Variants in DNAH2 observed in about 807,000 individuals in gnomAD.
The protein encoded by DNAH2 is dynein axonemal heavy chain 2.
A neutral mutation model predicts 523.5 loss-of-function variants in DNAH2; 323 were observed. That is an observed-to-expected ratio of 0.62 (90% CI 0.56 to 0.68). DNAH2 has a LOEUF of 0.68. Ranked by LOEUF, DNAH2 falls within the 30% of genes least tolerant of loss-of-function variation. The pLI is 0.00. For synonymous variants in DNAH2, 2,093 were observed against 2,177.4 expected (o/e 0.96, Z 1.08); for missense variants, 4,907 against 5,701.5 (o/e 0.86, Z 4.49).
intron 18 of DNAH2, among the ~76,000 whole-genome samples, chr17:7,761,951 C>A (rs1194951688): frequency 2.6e-5 from 4 of 151,388 alleles, no homozygotes; most frequent in African/African-American, 7.3e-5. Flanking sequence ...CTCCTGAGGG[C>A]TCTAGAGTAG....
intron 34 of DNAH2, 26 bp downstream of exon 34, chr17:7,778,206 G>A: frequency 6.2e-7 from 1 of 1,614,180 alleles, no homozygotes; most frequent in Non-Finnish European, 8.5e-7. Context: ...TGAATGAGGT[G>A]GCTGGGGTGG....
Position 7,823,606 on chromosome 17 carries a change from C to T in DNAH2, c.11307C>T (p.Ala3769=), listed in dbSNP as rs1233761508. Reference sequence around the variant, plus strand: ...GGCACCTGTGGTATACCAATGCTGCCCCGGAGAAGGCGATGCTGCCAGGTA... The same window carrying T: ...GGCACCTGTGGTATACCAATGCTGCTCCGGAGAAGGCGATGCTGCCAGGTA... ...RDWHLWYTNA[A]PEKAMLPGEW... Residue 3769 remains alanine, a synonymous_variant, in exon 74 of 86, where the codon GCC becomes GCT. Transcript: ENST00000572933. 4 of 1,614,086 alleles carry T rather than the reference C, an allele frequency of 2.5e-6. No individual in the cohort carries two copies. The highest frequency in any genetic ancestry group is 3.4e-6 in the Non-Finnish European group (4 of 1,179,982).
Position 7,817,864 on chromosome 17 carries a change from G to GC in DNAH2, c.10236+9dup. 6.2e-7 allele frequency: 1 copy of GC among 1,612,286 alleles called. No homozygotes were observed. The highest frequency in any genetic ancestry group is 8.5e-7 in the Non-Finnish European group (1 of 1,179,500). ...AACATGGAAGGAGGCCAGGTGTGAG[G>GC]CTGGGGGGTCAGGTTAGCCCCCCCC... On this transcript the variant is annotated intron_variant, in intron 67 of 85. Transcript: ENST00000572933.
intron 48 of DNAH2, among the ~76,000 whole-genome samples, chr17:7,793,557 CTCTT>C (rs768608829): frequency 5.4e-4 from 74 of 135,894 alleles, no homozygotes; most frequent in Admixed American, 1.1e-3. Context: ...CTCTTTCTTT[CTCTT>C]TCTTTCTTTC....
At chr17:7,801,533 T>C in intron 56 of DNAH2, 45 bp from the exon 57 acceptor site, 1 of 1,610,610 alleles carries the variant, frequency 6.2e-7, no homozygotes, top group Non-Finnish European at 8.5e-7. Context: ...ACCTGGAGGC[T>C]GTGTCTGTGC....
At chr17:7,805,145 T>C (rs1208872097) in intron 60 of DNAH2, 71 bp downstream of exon 60, 140 of 1,597,276 alleles carry the variant, frequency 8.8e-5, no homozygotes, top group Non-Finnish European at 1.2e-4. Context: ...GCCAGTCTTC[T>C]TTGTCCTCAA....
intron 78 of DNAH2, 63 bp downstream of exon 78, chr17:7,830,554 C>T (rs1203860175): frequency 1.6e-5 from 25 of 1,604,884 alleles, no homozygotes; most frequent in East Asian, 8.9e-5. Context: ...CCCCATGGCT[C>T]CCCTGTGGGA....
chr17:7,742,832 A>T, intron 11 of DNAH2, 96 bp from the exon 12 acceptor site: 1 of 772,986 alleles, frequency 1.3e-6, no homozygotes, highest in Non-Finnish European at 1.9e-6. Context: ...TTGTTGGGGT[A>T]TGTGCGCATG....
chr17:7,773,755 A>G (rs2076379548), intron 28 of DNAH2, among the ~76,000 whole-genome samples: 1 of 151,440 alleles, frequency 6.6e-6, no homozygotes, highest in African/African-American at 2.4e-5. Context: ...TTTGAGACGG[A>G]GTCTCGCTCT....
intron 12 of DNAH2, among the ~76,000 whole-genome samples, chr17:7,752,058 C>T (rs1312626737): frequency 2.6e-5 from 4 of 151,250 alleles, no homozygotes; most frequent in African/African-American, 7.3e-5. Context: ...TCCGCCTCAG[C>T]CCCCCAAGTA....
chr17:7,780,384 C>G lies in DNAH2; in HGVS notation c.5850+100C>G, dbSNP rs2076570666. On this transcript the variant is annotated intron_variant, in intron 37 of 85. Coordinates refer to ENST00000572933, the MANE Select transcript of DNAH2 (RefSeq NM_020877.5). The surrounding 1 kb of genome is among the most constrained non-coding windows in gnomAD (Gnocchi z 4.4). ...AAGGGCCTCACAATCAGCTTATCCT[C>G]TAAGGAACTTAGACTATTGTCAGTA... The G allele has an allele frequency of 3.2e-6, 5 of 1,557,678 alleles. No homozygotes were observed. Among genetic ancestry groups the G allele is most frequent in the Admixed American group, 1.9e-5 (1 of 52,014 alleles).
chr17:7,762,956 C>T (rs1004543604), intron 18 of DNAH2, among the ~76,000 whole-genome samples: 5 of 150,434 alleles, frequency 3.3e-5, no homozygotes, highest in African/African-American at 4.9e-5. Flanking sequence ...GCAAATTCAA[C>T]CCAGATCTGT....
intron 1 of DNAH2, among the ~76,000 whole-genome samples, chr17:7,719,501 C>T (rs1185598515): frequency 6.6e-6 from 1 of 152,120 alleles, no homozygotes; most frequent in Admixed American, 6.5e-5. Context: ...CCCAGTGCCC[C>T]GAAGACAGTA....
chr17:7,807,308 C>T lies in DNAH2; in HGVS notation c.9601C>T (p.Arg3201Trp), dbSNP rs867457543. ...LAAKSLCMWV[R>W]AMELYGRLYR... is the part of the protein sequence containing the mutation. ...TGCCAAGTCCCTCTGCATGTGGGTG[C>T]GGGCCATGGAGGTAAAGGCGTCAGG... Residue 3201 changes from arginine (R) to tryptophan (W), a missense_variant, in exon 62 of 86, where the codon CGG becomes TGG. Transcript: ENST00000572933. The surrounding 1 kb of genome is among the most constrained non-coding windows in gnomAD (Gnocchi z 5.6). 7.4e-6 allele frequency: 12 copies of T among 1,612,650 alleles called. No homozygotes were observed. Among genetic ancestry groups the T allele is most frequent in the Admixed American group, 3.3e-5 (2 of 59,984 alleles).
Position 7,828,159 on chromosome 17 carries a change from T to A in DNAH2, c.11854-2141T>A, listed in dbSNP as rs1244443541. 6.6e-6 allele frequency among the ~76,000 whole-genome samples: 1 copy of A among 152,048 alleles called. No homozygotes were observed. Among genetic ancestry groups the A allele is most frequent in the Non-Finnish European group, 1.5e-5 (1 of 68,008 alleles). The stretch of plus-strand genomic sequence containing the variant: ...GTCTTGGACTCCTGGACTTAAGCTG[T>A]CCTCCCACTTCAGCCTCCCAAACTG... On this transcript the variant is annotated intron_variant, in intron 77 of 85. Coordinates refer to ENST00000572933, the MANE Select transcript of DNAH2 (RefSeq NM_020877.5). This position sits in a 1 kb window ranked among gnomAD's most constrained non-coding sequence, Gnocchi z 4.1.
Position 7,833,086 on chromosome 17 carries a change from C to G in DNAH2, c.12994C>G (p.Arg4332Gly). The change falls in exon 85 of 86, where the codon CGG (arginine) becomes GGG (glycine). Residue 4332 changes from arginine to glycine, a missense_variant. Physicochemically the swap from Arg to Gly is moderately radical, Grantham distance 125. This residue lies in a region of DNAH2 where 1,851 missense variants were observed against 2,139.4 expected (regional missense o/e 0.87). Coordinates refer to ENST00000572933, the MANE Select transcript of DNAH2 (RefSeq NM_020877.5). ...TTCTCCCCAGGATGGTGTCTGGGTCCGGGGCCTGTACCTGGAAGGTGCTGG... is the reference window on the plus strand; with the variant it reads ...TTCTCCCCAGGATGGTGTCTGGGTCGGGGGCCTGTACCTGGAAGGTGCTGG... ...VYPPKDGVWV[R>G]GLYLEGAGWD... 1 of 1,613,214 alleles carries G rather than the reference C, an allele frequency of 6.2e-7. No individual in the cohort carries two copies. Among genetic ancestry groups the G allele is most frequent in the Non-Finnish European group, 8.5e-7 (1 of 1,179,940 alleles).
At chr17:7,740,636 G>A (rs1333367990) in intron 10 of DNAH2, 87 bp downstream of exon 10, 12 of 1,575,200 alleles carry the variant, frequency 7.6e-6, no homozygotes, top group Non-Finnish European at 1.0e-5. Context: ...GCCTCCACGT[G>A]TGCCCTTCTC....
chr17:7,753,205 A>C (rs908866800), intron 12 of DNAH2, among the ~76,000 whole-genome samples: 1 of 152,184 alleles, frequency 6.6e-6, no homozygotes, highest in African/African-American at 2.4e-5. Flanking sequence ...GCGGTGGGAT[A>C]GTACCCTTCC....
Position 7,733,304 on chromosome 17 carries a change from C to T in DNAH2, c.617C>T (p.Ala206Val). ...GCTTCTCATCTGCACAAGTTCTTGG[C>T]CTGCCTGACAGGTAAGTGGGAAGAC... ...HFASHLHKFL[A>V]CLTDTRYKLE... The change falls in exon 5 of 86, where the codon GCC becomes GTC. Residue 206 changes from alanine (A) to valine (V), a missense_variant. Physicochemically the swap from Ala to Val is moderately conservative, Grantham distance 64. This residue lies in a region of DNAH2 where 2,806 missense variants were observed against 3,190.8 expected (regional missense o/e 0.88). Transcript: ENST00000572933. The T allele has an allele frequency of 6.2e-7, 1 of 1,613,946 alleles. No individual in the cohort carries two copies.
Sources: gnomAD v4.1 joint callset for allele counts (sites outside exome capture counted in the v4.1 genomes callset) on GRCh38, gnomAD v4.1.1 for gene constraint, gnomAD v4.1.1 regional missense constraint, Gnocchi (gnomAD v3.1) non-coding constraint, MANE v1.5 for transcripts, NCBI Gene and HGNC (gene_info 2026-07-23, HGNC 2026-07-21) for gene names.